PRELID2: variants seen among roughly 807,000 people sequenced by gnomAD.
PRELID2 encodes the protein PRELI domain containing 2, also known as PRELI domain-containing protein 2.
Under a neutral mutation model 28.4 loss-of-function variants are expected in PRELID2, and 25 were observed. The ratio of observed to expected loss-of-function variants is 0.88; its 90% CI spans 0.64 to 1.23. The LOEUF (loss-of-function observed/expected upper bound fraction) is 1.23, where lower values mean the gene tolerates loss of function less well. Ranked by LOEUF, PRELID2 falls within the 50% of genes most tolerant of loss-of-function variation. PRELID2 has a pLI of 0.00. For missense variants in PRELID2, 201 were observed against 214.4 expected (o/e 0.94, Z 0.39); for synonymous variants, 76 against 71.6 (o/e 1.06, Z -0.31).
chr5:145,281,782 A>C, the PRELID2 span, among the ~76,000 whole-genome samples: 1 of 152,226 alleles, frequency 6.6e-6, no homozygotes, highest in Admixed American at 6.5e-5. Context: ...CAGTAGAATA[A>C]GCATCCAAAT....
intron 5 of PRELID2, among the ~76,000 whole-genome samples, chr5:145,786,374 T>TA (rs1017989383): frequency 6.6e-6 from 1 of 152,176 alleles, no homozygotes; most frequent in Non-Finnish European, 1.5e-5. Context: ...AATTAGTTTA[T>TA]AAAAAACTGT....
chr5:145,591,250 T>A (rs1460827903), intron 1 of PRELID2, among the ~76,000 whole-genome samples: 2 of 151,342 alleles, frequency 1.3e-5, no homozygotes, highest in East Asian at 3.9e-4. Context: ...GAGTCATGTT[T>A]ATGCCACTGC....
the PRELID2 span, among the ~76,000 whole-genome samples, chr5:145,291,335 C>CACAAAAAAAAAAAAAAAA: frequency 1.7e-4 from 10 of 57,476 alleles, no homozygotes; most frequent in African/African-American, 8.7e-4. Context: ...GACTCTGTTT[C>CACAAAAAAAAAAAAAAAA]AGAAAAAAAA....
At chr5:145,499,565 G>T (rs138764745) in intron 1 of PRELID2, among the ~76,000 whole-genome samples, 58 of 152,276 alleles carry the variant, frequency 3.8e-4, no homozygotes, top group African/African-American at 1.3e-3. Flanking sequence ...CCAGGGGTCA[G>T]GCATCTATGC....
In PRELID2 at chr5:145,544,340, A is replaced by T. The variant is rs545098408; in HGVS notation, n.71-71025T>A. ...TCAACTAAACTTATGCTTTAATTTCATACTCATCAAACAAACAAACTGCTG... is the reference window on the plus strand; with the variant it reads ...TCAACTAAACTTATGCTTTAATTTCTTACTCATCAAACAAACAAACTGCTG... On this transcript the variant is annotated intron_variant and non_coding_transcript_variant, in intron 1 of 2. Coordinates refer to the PRELID2 transcript ENST00000510259. Among the ~76,000 whole-genome samples, 49 of 152,262 alleles carry T rather than the reference A, an allele frequency of 3.2e-4. 1 individual carries two copies. Among genetic ancestry groups the T allele is most frequent in the African/African-American group, 1.2e-3 (48 of 41,568 alleles).
chr5:145,301,930 C>CTTT, the PRELID2 span, among the ~76,000 whole-genome samples: 115 of 110,174 alleles, frequency 1.0e-3, 2 homozygotes, highest in Middle Eastern at 9.1e-3. Context: ...TTATTCATTT[C>CTTT]TTTTTTTTTT....
intron 1 of PRELID2, among the ~76,000 whole-genome samples, chr5:145,620,822 TACAC>T (rs35013603): frequency 2.7e-5 from 4 of 149,574 alleles, no homozygotes; most frequent in African/African-American, 4.9e-5. Context: ...AAGACCCTGT[TACAC>T]ACACACACAC....
At chr5:145,761,706 T>C (rs1035502513) in intron 6 of PRELID2, among the ~76,000 whole-genome samples, 3 of 152,222 alleles carry the variant, frequency 2.0e-5, no homozygotes, top group African/African-American at 2.4e-5. Flanking sequence ...GTTAGAAGCA[T>C]AGTTGTGTTC....
intron 1 of PRELID2, among the ~76,000 whole-genome samples, chr5:145,643,760 A>T (rs890001715): frequency 6.6e-6 from 1 of 152,172 alleles, no homozygotes; most frequent in African/African-American, 2.4e-5. Context: ...TTCTGTATCT[A>T]TTGAGATAAT....
chr5:145,366,813 C>T, the PRELID2 span, among the ~76,000 whole-genome samples: 1 of 151,804 alleles, frequency 6.6e-6, no homozygotes, highest in African/African-American at 2.4e-5. Flanking sequence ...TCCATAGATG[C>T]TCCATTTTCT....
intron 1 of PRELID2, among the ~76,000 whole-genome samples, chr5:145,474,674 A>G (rs1344554407): frequency 6.6e-6 from 1 of 152,188 alleles, no homozygotes; most frequent in Non-Finnish European, 1.5e-5. Context: ...TGGCCCCTCA[A>G]GACAGATTTC....
intron 1 of PRELID2, among the ~76,000 whole-genome samples, chr5:145,506,392 G>A (rs939472163): frequency 2.6e-5 from 4 of 152,078 alleles, no homozygotes; most frequent in African/African-American, 9.7e-5. Flanking sequence ...TGGGTCTGCT[G>A]GTCAGTTCTA....
the PRELID2 span, among the ~76,000 whole-genome samples, chr5:145,304,976 T>A: frequency 6.6e-6 from 1 of 152,186 alleles, no homozygotes; most frequent in Non-Finnish European, 1.5e-5. Context: ...GTACTAATAA[T>A]CCATCTCCTA....
the PRELID2 span, among the ~76,000 whole-genome samples, chr5:145,260,529 G>T: frequency 6.6e-6 from 1 of 152,140 alleles, no homozygotes; most frequent in African/African-American, 2.4e-5. Flanking sequence ...AGATACATGT[G>T]GAACACTATT....
the PRELID2 span, among the ~76,000 whole-genome samples, chr5:145,457,400 C>A: frequency 2.0e-5 from 3 of 152,160 alleles, no homozygotes; most frequent in South Asian, 4.1e-4. Flanking sequence ...TTCTCTCCCC[C>A]ACCCTCTATG....
intron 1 of PRELID2, among the ~76,000 whole-genome samples, chr5:145,657,875 G>A (rs946529143): frequency 6.6e-6 from 1 of 152,110 alleles, no homozygotes; most frequent in Non-Finnish European, 1.5e-5. Context: ...ATCTATGATG[G>A]GTTAAGCATT....
intron 1 of PRELID2, among the ~76,000 whole-genome samples, chr5:145,512,713 A>T (rs1032248069): frequency 6.6e-6 from 1 of 152,196 alleles, no homozygotes; most frequent in Non-Finnish European, 1.5e-5. Context: ...GCAGGGGTCA[A>T]CCGACACCTC....
At chr5:145,395,458 C>T in the PRELID2 span, among the ~76,000 whole-genome samples, 11 of 152,132 alleles carry the variant, frequency 7.2e-5, no homozygotes, top group South Asian at 2.3e-3. Context: ...TCCAAGTCCT[C>T]TTCAGAAGGG....
At chr5:145,807,245 G>C (rs544303308) in intron 4 of PRELID2, among the ~76,000 whole-genome samples, 1 of 152,300 alleles carries the variant, frequency 6.6e-6, no homozygotes, top group Admixed American at 6.5e-5. Context: ...GTTGTAGGCA[G>C]TGTTGGACTG....
Sources: gnomAD v4.1 joint callset for allele counts (sites outside exome capture counted in the v4.1 genomes callset) on GRCh38, gnomAD v4.1.1 for gene constraint, MANE v1.5 for transcripts, NCBI Gene and HGNC (gene_info 2026-07-23, HGNC 2026-07-21) for gene names.